PRELID2: variants seen among roughly 807,000 people sequenced by gnomAD.
PRELID2 encodes the protein PRELI domain containing 2.
Under a neutral mutation model 28.4 loss-of-function variants are expected in PRELID2, and 25 were observed. That is an observed-to-expected ratio of 0.88 (90% CI 0.64 to 1.23). The LOEUF (loss-of-function observed/expected upper bound fraction) is 1.23, where lower values mean the gene tolerates loss of function less well. Ranked by LOEUF, PRELID2 falls within the 50% of genes most tolerant of loss-of-function variation. PRELID2 has a pLI of 0.00. For synonymous variants in PRELID2, 76 were observed against 71.6 expected (o/e 1.06, Z -0.31); for missense variants, 201 against 214.4 (o/e 0.94, Z 0.39).
chr5:145,561,535 T>A (rs1752925414), intron 1 of PRELID2, among the ~76,000 whole-genome samples: 3 of 152,208 alleles, frequency 2.0e-5, no homozygotes, highest in Admixed American at 6.5e-5. Flanking sequence ...TTAACAGTAC[T>A]AGGTGCCAGT....
intron 6 of PRELID2, among the ~76,000 whole-genome samples, chr5:145,761,025 T>C (rs72811566): frequency 6.6e-6 from 1 of 152,360 alleles, no homozygotes; most frequent in Non-Finnish European, 1.5e-5. Flanking sequence ...AAATGCCCAC[T>C]TGGACATACA....
At chr5:145,796,816 C>A (rs1279651849) in intron 4 of PRELID2, among the ~76,000 whole-genome samples, 2 of 151,988 alleles carry the variant, frequency 1.3e-5, no homozygotes, top group Non-Finnish European at 2.9e-5. Flanking sequence ...AATGATATGA[C>A]CTTAGGTAAA....
At chr5:145,809,385 G>A (rs17488104) in intron 4 of PRELID2, among the ~76,000 whole-genome samples, 1,929 of 152,248 alleles carry the variant, frequency 0.013, 24 homozygotes, top group Non-Finnish European at 0.018. Context: ...AGCTATGCCC[G>A]ACCACTCTGC....
At chr5:145,613,271 A>G (rs772621858) in intron 1 of PRELID2, among the ~76,000 whole-genome samples, 1 of 151,794 alleles carries the variant, frequency 6.6e-6, no homozygotes, top group East Asian at 1.9e-4. Context: ...GGCTATTTGT[A>G]TATCTTCTTT....
chr5:145,374,410 A>G, the PRELID2 span, among the ~76,000 whole-genome samples: 1 of 152,028 alleles, frequency 6.6e-6, no homozygotes, highest in African/African-American at 2.4e-5. Flanking sequence ...GGCTGTCCTT[A>G]ACAGTTTTTC....
chr5:145,406,590 TC>T, the PRELID2 span, among the ~76,000 whole-genome samples: 1 of 152,146 alleles, frequency 6.6e-6, no homozygotes, highest in East Asian at 1.9e-4. Flanking sequence ...AATGTGGAGC[TC>T]CCACTTGGAC....
intron 4 of PRELID2, among the ~76,000 whole-genome samples, chr5:145,808,016 T>C (rs2149838405): frequency 6.6e-6 from 1 of 152,288 alleles, no homozygotes; most frequent in Middle Eastern, 3.4e-3. Context: ...CAGATCATTA[T>C]ATTTGTATAG....
At chr5:145,608,989 G>A (rs560663885) in intron 1 of PRELID2, among the ~76,000 whole-genome samples, 2 of 151,974 alleles carry the variant, frequency 1.3e-5, no homozygotes, top group African/African-American at 4.8e-5. Flanking sequence ...TTTGTCTGAC[G>A]GAGTTATTTT....
intron 1 of PRELID2, among the ~76,000 whole-genome samples, chr5:145,740,129 A>C (rs1756614969): frequency 6.7e-6 from 1 of 150,032 alleles, no homozygotes; most frequent in African/African-American, 2.4e-5. Context: ...TTGAAAGTAA[A>C]AAGATTTAAG....
At chr5:145,583,719 A>G (rs939614117) in intron 1 of PRELID2, among the ~76,000 whole-genome samples, 12 of 152,226 alleles carry the variant, frequency 7.9e-5, no homozygotes, top group African/African-American at 2.6e-4. Flanking sequence ...GATACCTATG[A>G]ATACAGCTAA....
At chr5:145,522,416 C>CAT (rs1007408299) in intron 1 of PRELID2, among the ~76,000 whole-genome samples, 3 of 149,698 alleles carry the variant, frequency 2.0e-5, no homozygotes, top group Admixed American at 1.3e-4. Context: ...CACACACACA[C>CAT]GAGAGAGAGA....
chr5:145,739,743 C>G (rs997655884), intron 1 of PRELID2, among the ~76,000 whole-genome samples: 1 of 151,780 alleles, frequency 6.6e-6, no homozygotes, highest in Non-Finnish European at 1.5e-5. Context: ...CTACATTTCA[C>G]TGGGAGTGAT....
chr5:145,494,193 T>C (rs1323686723), intron 1 of PRELID2, among the ~76,000 whole-genome samples: 2 of 152,186 alleles, frequency 1.3e-5, no homozygotes, highest in Non-Finnish European at 2.9e-5. Flanking sequence ...AGAACAAAGA[T>C]TGAAAATCAG....
chr5:145,287,954 T>C, the PRELID2 span, among the ~76,000 whole-genome samples: 64 of 152,154 alleles, frequency 4.2e-4, no homozygotes, highest in Non-Finnish European at 6.8e-4. Context: ...GTTCCTCAAC[T>C]GAGATTTCTT....
chr5:145,371,282 T>G, the PRELID2 span, among the ~76,000 whole-genome samples: 2 of 152,090 alleles, frequency 1.3e-5, no homozygotes, highest in South Asian at 4.1e-4. Flanking sequence ...TTTTAAAATG[T>G]CTTCCATTAA....
At position 145,534,761 on chromosome 5, in the gene PRELID2, C is replaced by T. The variant is rs542711393; in HGVS notation, n.71-61446G>A. Among the ~76,000 whole-genome samples the T allele has an allele frequency of 3.3e-5, 5 of 151,806 alleles. No individual in the cohort carries two copies. In the South Asian group the frequency reaches 6.2e-4, roughly 19 times the overall value. Reference sequence around the variant, plus strand: ...CAGTGTTGGGAAAACCAAGCTGATACGTATCACAGAAATGGTTGAACATCT... The same window carrying T: ...CAGTGTTGGGAAAACCAAGCTGATATGTATCACAGAAATGGTTGAACATCT... On this transcript the variant is annotated intron_variant and non_coding_transcript_variant, in intron 1 of 2. Coordinates refer to the PRELID2 transcript ENST00000510259.
intron 1 of PRELID2, among the ~76,000 whole-genome samples, chr5:145,726,183 G>C (rs1476656082): frequency 7.7e-6 from 1 of 129,550 alleles, no homozygotes; most frequent in Non-Finnish European, 1.6e-5. Context: ...AAGAAAGAAA[G>C]AGCAAAAGAG....
chr5:145,231,062 T>C, the PRELID2 span, among the ~76,000 whole-genome samples: 1 of 152,176 alleles, frequency 6.6e-6, no homozygotes, highest in Non-Finnish European at 1.5e-5. Flanking sequence ...AACCCACAGT[T>C]AAGAAGAGGG....
chr5:145,263,979 C>T, the PRELID2 span, among the ~76,000 whole-genome samples: 3 of 152,102 alleles, frequency 2.0e-5, no homozygotes, highest in Admixed American at 2.0e-4. Context: ...CAACCTCCAC[C>T]TCCCAGGTTC....
Sources: allele counts gnomAD v4.1 joint callset (sites outside exome capture counted in the v4.1 genomes callset), GRCh38; gene constraint gnomAD v4.1.1; transcripts MANE v1.5; gene names NCBI Gene and HGNC (gene_info 2026-07-23, HGNC 2026-07-21).